Variants in RBFOX1 observed in about 807,000 individuals in gnomAD.
RBFOX1 encodes RNA binding fox-1 homolog 1.
In RBFOX1, 8 loss-of-function variants were observed where a neutral mutation model predicts 57.7. The observed-to-expected ratio is 0.14, with a 90% CI of 0.08 to 0.25. The LOEUF is 0.25. Among genes scored for constraint, RBFOX1 ranks in the 10% least tolerant of loss-of-function variants. The probability of loss-of-function intolerance (pLI) is 1.00; values close to 1 mark genes in which losing one functional copy is unlikely to be tolerated. For missense variants in RBFOX1, 611 were observed against 548.5 expected (o/e 1.11, Z -1.14); for synonymous variants, 326 against 222.4 (o/e 1.47, Z -4.15).
intron 4 of RBFOX1, among the ~76,000 whole-genome samples, chr16:7,316,912 G>A (rs1413047777): frequency 1.3e-5 from 2 of 151,494 alleles, no homozygotes; most frequent in Admixed American, 6.6e-5. Flanking sequence ...CTGGAGTTTG[G>A]AAATCTTGAC....
intron 3 of RBFOX1, among the ~76,000 whole-genome samples, chr16:5,709,783 A>G (rs1190397413): frequency 8.9e-6 from 1 of 112,456 alleles, no homozygotes; most frequent in South Asian, 2.8e-4. Context: ...AGCCACTGTA[A>G]TCTACTGGGT....
At chr16:5,672,665 T>C (rs1054275570) in intron 3 of RBFOX1, among the ~76,000 whole-genome samples, 1 of 152,196 alleles carries the variant, frequency 6.6e-6, no homozygotes, top group Non-Finnish European at 1.5e-5. Context: ...ATCTCTGATT[T>C]TTTTTCTTTT....
chr16:5,527,070 A>G (rs1002931152), intron 2 of RBFOX1, among the ~76,000 whole-genome samples: 7 of 152,210 alleles, frequency 4.6e-5, no homozygotes, highest in Non-Finnish European at 8.8e-5. Flanking sequence ...TTCAGTAATT[A>G]TGATAGAAAC....
intron 3 of RBFOX1, among the ~76,000 whole-genome samples, chr16:6,931,337 C>CTTTA (rs1419175284): frequency 2.7e-5 from 3 of 110,206 alleles, no homozygotes; most frequent in African/African-American, 6.4e-5. Context: ...ATCTATCTAT[C>CTTTA]TCTACACACA....
At chr16:6,629,655 G>A (rs931541403) in intron 2 of RBFOX1, among the ~76,000 whole-genome samples, 1 of 152,092 alleles carries the variant, frequency 6.6e-6, no homozygotes, top group African/African-American at 2.4e-5. Flanking sequence ...AACTGGAGAT[G>A]ACAACGAGAT....
At chr16:7,393,168 C>T (rs2098072800) in intron 4 of RBFOX1, among the ~76,000 whole-genome samples, 1 of 152,150 alleles carries the variant, frequency 6.6e-6, no homozygotes, top group African/African-American at 2.4e-5. Context: ...GCCACCGCAC[C>T]CCACCTGGTG....
At chr16:7,030,012 C>T (rs1429436423) in intron 3 of RBFOX1, among the ~76,000 whole-genome samples, 1 of 152,080 alleles carries the variant, frequency 6.6e-6, no homozygotes, top group Admixed American at 6.5e-5. Context: ...TGTGTGTGAT[C>T]CCTTTATGGG....
At position 7,486,443 on chromosome 16, in the gene RBFOX1, C is replaced by A. The variant is rs550044764; in HGVS notation, c.28-31704C>A. On this transcript the variant is annotated intron_variant, in intron 4 of 15. Transcript: ENST00000550418. ...TGAGCCATGGTACCCGGCCTTGTGT[C>A]TTTTCTACGTGGACAGTTAGATTTG... is the stretch of plus-strand genomic sequence containing the variant. Among the ~76,000 whole-genome samples the A allele has an allele frequency of 7.2e-5, 11 of 152,074 alleles. No individual in the cohort carries two copies. The East Asian group carries it at 1.9e-3, about 27-fold the overall frequency.
chr16:5,837,525 T>C (rs527871505), intron 3 of RBFOX1, among the ~76,000 whole-genome samples: 2 of 151,516 alleles, frequency 1.3e-5, no homozygotes, highest in African/African-American at 4.8e-5. Flanking sequence ...CCAACCCCAC[T>C]GGTTACCACA....
intron 2 of RBFOX1, chr16:5,598,845 T>A: frequency 7.4e-7 from 1 of 1,355,852 alleles, no homozygotes; most frequent in South Asian, 1.5e-5. Context: ...AGGTTAGAAT[T>A]TTTTTCCTCA....
chr16:6,531,181 C>T (rs190729851), intron 2 of RBFOX1, among the ~76,000 whole-genome samples: 5 of 152,294 alleles, frequency 3.3e-5, no homozygotes, highest in East Asian at 3.9e-4. Flanking sequence ...ACTCTGCCCC[C>T]GGTTTTTCCC....
At chr16:5,451,908 C>G (rs2068436881) in intron 1 of RBFOX1, among the ~76,000 whole-genome samples, 1 of 152,162 alleles carries the variant, frequency 6.6e-6, no homozygotes, top group Admixed American at 6.5e-5. Context: ...TTCCCTACCT[C>G]TGGGCTTCTC....
chr16:6,388,297 C>G (rs2092410681), intron 2 of RBFOX1, among the ~76,000 whole-genome samples: 1 of 151,786 alleles, frequency 6.6e-6, no homozygotes, highest in Non-Finnish European at 1.5e-5. Flanking sequence ...TGTGTTTGAA[C>G]TTGGGGGACG....
intron 2 of RBFOX1, among the ~76,000 whole-genome samples, chr16:6,447,412 A>G (rs930983922): frequency 5.9e-5 from 9 of 152,218 alleles, no homozygotes; most frequent in Non-Finnish European, 8.8e-5. Context: ...TGGGAGTTAT[A>G]TGAATTATAT....
intron 2 of RBFOX1, among the ~76,000 whole-genome samples, chr16:5,512,332 C>T (rs2043624018): frequency 6.6e-6 from 1 of 152,068 alleles, no homozygotes; most frequent in Non-Finnish European, 1.5e-5. Flanking sequence ...GATTTACTGC[C>T]CAAATGTATT....
chr16:5,401,639 A>G (rs1310080523), intron 1 of RBFOX1, among the ~76,000 whole-genome samples: 1 of 152,166 alleles, frequency 6.6e-6, no homozygotes, highest in Non-Finnish European at 1.5e-5. Context: ...ATTATTTTGG[A>G]AGATTTGACA....
intron 3 of RBFOX1, among the ~76,000 whole-genome samples, chr16:6,916,743 C>A (rs1265027944): frequency 6.6e-6 from 1 of 152,160 alleles, no homozygotes; most frequent in Non-Finnish European, 1.5e-5. Context: ...CGGATTACTT[C>A]CAGCTTTTTT....
chr16:5,353,359 C>T (rs2065306512), intron 1 of RBFOX1, among the ~76,000 whole-genome samples: 1 of 142,020 alleles, frequency 7.0e-6, no homozygotes. Flanking sequence ...GCCTGGGCAA[C>T]AGAGTAGTGT....
At chr16:6,703,605 G>A (rs562991560) in intron 3 of RBFOX1, among the ~76,000 whole-genome samples, 3 of 152,216 alleles carry the variant, frequency 2.0e-5, no homozygotes, top group East Asian at 1.9e-4. Context: ...GACTTGGGAG[G>A]CTGAGGTGGG....
Sources: gnomAD v4.1 joint callset for allele counts (sites outside exome capture counted in the v4.1 genomes callset) on GRCh38, gnomAD v4.1.1 for gene constraint, MANE v1.5 for transcripts, NCBI Gene and HGNC (gene_info 2026-07-23, HGNC 2026-07-21) for gene names.